Variants in THAP12 observed in about 807,000 individuals in gnomAD.
The protein encoded by THAP12 is THAP domain containing 12, also known as 52 kDa repressor of the inhibitor of the protein kinase.
A neutral mutation model predicts 63.0 loss-of-function variants in THAP12; 20 were observed. The ratio of observed to expected loss-of-function variants is 0.32; its 90% CI spans 0.22 to 0.46. The LOEUF (loss-of-function observed/expected upper bound fraction) is 0.46. Ranked by LOEUF, THAP12 falls within the 20% of genes least tolerant of loss-of-function variation. The pLI is 1.00. For missense variants in THAP12, 568 were observed against 908.2 expected (o/e 0.63, Z 4.81); for synonymous variants, 264 against 328.4 (o/e 0.80, Z 2.12).
rs1423546992 is a variant in THAP12, at chr11:76,352,697, G to T, written c.453C>A (p.Asp151Glu). Reference protein sequence around the residue: ...SEEEGEGQDEDILPLTLEEKE... With the variant: ...SEEEGEGQDEEILPLTLEEKE... ...TCTCTTCAAGGGTTAGAGGTAAAAT[G>T]TCCTCATCTTGCCCTTCACCCTCTT... Residue 151 changes from aspartate to glutamate, a missense_variant, in exon 5 of 5, where the codon GAC becomes GAA. Coordinates refer to ENST00000260045, the MANE Select transcript of THAP12 (RefSeq NM_004705.4). 6.2e-7 allele frequency: 1 copy of T among 1,613,374 alleles called. No homozygotes were observed. Among genetic ancestry groups the T allele is most frequent in the Non-Finnish European group, 8.5e-7 (1 of 1,179,884 alleles).
At chr11:76,372,488 T>G (rs1421297929) in intron 1 of THAP12, among the ~76,000 whole-genome samples, 1 of 150,502 alleles carries the variant, frequency 6.6e-6, no homozygotes, top group Non-Finnish European at 1.5e-5. Context: ...TAGCTCATTC[T>G]AAGTTCAAAC....
intron 1 of THAP12, among the ~76,000 whole-genome samples, chr11:76,370,020 C>T (rs1946659650): frequency 6.6e-6 from 1 of 152,218 alleles, no homozygotes; most frequent in Non-Finnish European, 1.5e-5. Context: ...CGCCTCAACA[C>T]AGTGATGGAA....
rs371539373 is a variant in THAP12 at position 76,352,494 on chromosome 11, C to T, written c.656G>A (p.Arg219Gln). 1.2e-6 allele frequency: 2 copies of T among 1,611,874 alleles called. No individual in the cohort carries two copies. The highest frequency in any genetic ancestry group is 1.7e-5 in the Admixed American group (1 of 59,988). Residue 219 changes from arginine to glutamine, a missense_variant, in exon 5 of 5, where the codon CGG becomes CAG. Transcript: ENST00000260045. ...INSGEEVLRK[R>Q]FETTAVNTLF... is the part of the protein sequence containing the mutation. ...CGTGTTAACTGCTGTTGTCTCAAAC[C>T]GCTTTCTCAGAACCTCTTCACCAGA...
intron 1 of THAP12, among the ~76,000 whole-genome samples, chr11:76,379,516 C>T (rs1946735152): frequency 6.6e-6 from 1 of 152,234 alleles, no homozygotes; most frequent in Non-Finnish European, 1.5e-5. Flanking sequence ...TCCCTGGACT[C>T]CTGGTTGCCC....
intron 1 of THAP12, among the ~76,000 whole-genome samples, chr11:76,376,615 GTTTTTTTTGT>G (rs900391883): frequency 2.3e-5 from 3 of 127,772 alleles, no homozygotes; most frequent in Non-Finnish European, 4.9e-5. Flanking sequence ...TTGTGTCTAT[GTTTTTTTTGT>G]TTTTTTTTTT....
In THAP12 at chr11:76,352,499, T is replaced by A; in HGVS notation, c.651A>T (p.Arg217Ser). 1 of 1,612,038 alleles carries A rather than the reference T, an allele frequency of 6.2e-7. No individual in the cohort carries two copies. Among genetic ancestry groups the A allele is most frequent in the South Asian group, 1.1e-5 (1 of 90,990 alleles). The change falls in exon 5 of 5, where the codon AGA becomes AGT. Residue 217 changes from arginine to serine, a missense_variant. Coordinates refer to ENST00000260045, the MANE Select transcript of THAP12 (RefSeq NM_004705.4). ...TAACTGCTGTTGTCTCAAACCGCTT[T>A]CTCAGAACCTCTTCACCAGAATTTA... ...CRINSGEEVLRKRFETTAVNT... is the reference protein window; with the variant it reads ...CRINSGEEVLSKRFETTAVNT...
Position 76,351,122 on chromosome 11 carries a change from A to G in THAP12, c.2028T>C (p.Asn676=). ...ACAGGACCTTCAGCAATGCATACAC[A>G]TTAGGAAAAAACTTGATGTCAGGCA... ...LHLPDIKFFP[N]VYALLKVLCI... Residue 676 remains asparagine (N), a synonymous_variant, in exon 5 of 5, where the codon AAT becomes AAC. Transcript: ENST00000260045. 6.2e-7 allele frequency: 1 copy of G among 1,609,874 alleles called. No individual in the cohort carries two copies. Among genetic ancestry groups the G allele is most frequent in the Non-Finnish European group, 8.5e-7 (1 of 1,179,014 alleles).
rs1035572605 is a variant in THAP12 at position 76,351,184 on chromosome 11, T to C, written c.1966A>G (p.Ile656Val). The change falls in exon 5 of 5, where the codon ATA becomes GTA. Residue 656 changes from isoleucine (I) to valine (V), a missense_variant. Ile to Val is a conservative substitution (Grantham distance 29). Coordinates refer to ENST00000260045, the MANE Select transcript of THAP12 (RefSeq NM_004705.4). ...TCATAGATGGTGGACGGAAGCTCTATATCTTTCCCCCTGTGTTTCCATTTG... is the reference window on the plus strand; with the variant it reads ...TCATAGATGGTGGACGGAAGCTCTACATCTTTCCCCCTGTGTTTCCATTTG... ...RIKWKHRGKD[I>V]ELPSTIYEAL... 3.2e-6 allele frequency: 5 copies of C among 1,574,426 alleles called. No homozygotes were observed. In the African/African-American group the frequency reaches 6.8e-5, roughly 21 times the overall value.
chr11:76,357,482 A>C (rs1171019314), intron 3 of THAP12: 1 of 152,210 alleles, frequency 6.6e-6, no homozygotes, highest in Non-Finnish European at 1.5e-5. Context: ...CATAAAAAAA[A>C]AACTCACATC....
At chr11:76,356,726 A>G (rs1946563751) in intron 3 of THAP12, 1 of 152,242 alleles carries the variant, frequency 6.6e-6, no homozygotes, top group Admixed American at 6.5e-5. Context: ...TAAGTATCAT[A>G]AATAATCTAG....
chr11:76,374,947 C>T (rs1313467783), intron 1 of THAP12, among the ~76,000 whole-genome samples: 1 of 152,192 alleles, frequency 6.6e-6, no homozygotes, highest in Non-Finnish European at 1.5e-5. Context: ...ATCTAAGAAG[C>T]CAAGAGTGAG....
At position 76,352,270 on chromosome 11, in the gene THAP12, T is replaced by C. The variant is rs775729398; in HGVS notation, c.880A>G (p.Ile294Val). The change falls in exon 5 of 5, where the codon ATA becomes GTA. Residue 294 changes from isoleucine (I) to valine (V), a missense_variant. Transcript: ENST00000260045. The stretch of plus-strand genomic sequence containing the variant: ...TCGGCTTCATAAGGCAGGAAGCCTA[T>C]AAATTCCTCTCTTAGGTTATGAGAT... Reference protein sequence around the residue: ...DESHNLREEFIGFLPYEADAE... With the variant: ...DESHNLREEFVGFLPYEADAE... 1 of 1,611,906 alleles carries C rather than the reference T, an allele frequency of 6.2e-7. No homozygotes were observed. Among genetic ancestry groups the C allele is most frequent in the Non-Finnish European group, 8.5e-7 (1 of 1,179,826 alleles).
rs758282050 is a variant in THAP12, at chr11:76,380,783, G to A, written c.54C>T (p.Asp18=). The change falls in exon 1 of 5, where the codon GAC becomes GAT. Residue 18 remains aspartate (D), a synonymous_variant. Transcript: ENST00000260045. ...CCCGCGGGAACCTGAAGAAGGCCAA[G>A]TCGGACTGCGTGCTCTTCCGCGTGC... ...PNCTRKSTQS[D]LAFFRFPRDP... 5.0e-5 allele frequency: 74 copies of A among 1,467,734 alleles called. No individual in the cohort carries two copies. The highest frequency in any genetic ancestry group is 2.5e-4 in the Middle Eastern group (1 of 4,064). The allele number at this position is 1,467,734 out of a possible 1,614,324, so 90.9% of individuals were successfully genotyped here.
At position 76,361,032 on chromosome 11, in the gene THAP12, G is replaced by C; in HGVS notation, c.242C>G (p.Ala81Gly). ...GGTAAGATCAAATATTGTTGGTATT[G>C]CATTATCTCGAAGAACTGTCCTATA... Reference protein sequence around the residue: ...SPYRTVLRDNAIPTIFDLTSH... With the variant: ...SPYRTVLRDNGIPTIFDLTSH... Residue 81 changes from alanine (A) to glycine (G), a missense_variant, in exon 3 of 5, where the codon GCA becomes GGA. Coordinates refer to ENST00000260045, the MANE Select transcript of THAP12 (RefSeq NM_004705.4). The C allele has an allele frequency of 6.2e-7, 1 of 1,604,786 alleles. No homozygotes were observed. Among genetic ancestry groups the C allele is most frequent in the East Asian group, 2.2e-5 (1 of 44,660 alleles).
chr11:76,359,832 A>G lies in THAP12; in HGVS notation c.318+1124T>C, dbSNP rs757657875. Among the ~76,000 whole-genome samples the G allele has an allele frequency of 2.8e-3, 353 of 125,434 alleles. 1 individual carries two copies. Among genetic ancestry groups the G allele is most frequent in the Admixed American group, 4.2e-3 (54 of 12,846 alleles). The allele number at this position is 125,434 out of a possible 152,430, so 82.3% of individuals were successfully genotyped here. On this transcript the variant is annotated intron_variant, in intron 3 of 4. Coordinates refer to ENST00000260045, the MANE Select transcript of THAP12 (RefSeq NM_004705.4). ...AGAGTGAGACTCTGTCTCGGGGGGG[A>G]AAAAAAAAATCCATAGGGAAGAATA...
chr11:76,358,613 T>A (rs1314558571), intron 3 of THAP12: 1 of 152,038 alleles, frequency 6.6e-6, no homozygotes, highest in African/African-American at 2.4e-5. Flanking sequence ...GAGACCAAAC[T>A]GGGCAACATG....
chr11:76,355,410 A>G (rs1442117512), intron 4 of THAP12, among the ~76,000 whole-genome samples: 2 of 152,228 alleles, frequency 1.3e-5, no homozygotes, highest in Non-Finnish European at 2.9e-5. Flanking sequence ...CATATAGCAT[A>G]GTGTGTGGCA....
At position 76,380,764 on chromosome 11, in the gene THAP12, G is replaced by A; in HGVS notation, c.73C>T (p.Pro25Ser). ...GCCGCTTACCTGGCAGGGTCCCGCG[G>A]GAACCTGAAGAAGGCCAAGTCGGAC... The part of the protein sequence containing the change: ...TQSDLAFFRF[P>S]RDPARCQKWV... The change falls in exon 1 of 5, where the codon CCG (proline) becomes TCG (serine). Residue 25 changes from proline (P) to serine (S), a missense_variant. Pro to Ser is a moderately conservative substitution (Grantham distance 74). Transcript: ENST00000260045. The A allele has an allele frequency of 6.8e-7, 1 of 1,460,396 alleles. No individual in the cohort carries two copies. Among genetic ancestry groups the A allele is most frequent in the Non-Finnish European group, 9.1e-7 (1 of 1,099,996 alleles). The allele number at this position is 1,460,396 out of a possible 1,614,324, so 90.5% of individuals were successfully genotyped here. A position where few individuals can be genotyped will look rare whatever the true frequency, so the allele number is the denominator to read the frequency against.
rs756284316 is a variant in THAP12 at position 76,351,800 on chromosome 11, A to C, written c.1350T>G (p.Gly450=). Residue 450 remains glycine (G), a synonymous_variant, in exon 5 of 5, where the codon GGT becomes GGG. Coordinates refer to ENST00000260045, the MANE Select transcript of THAP12 (RefSeq NM_004705.4). ...ATCTAATATTTGTGTCACTATTTAT[A>C]CCATCTAAACATAAAACAAGTGCTT... ...LLQALVLCLD[G]INSDTNIRWN... 1 of 1,610,584 alleles carries C rather than the reference A, an allele frequency of 6.2e-7. No homozygotes were observed. Among genetic ancestry groups the C allele is most frequent in the Non-Finnish European group, 8.5e-7 (1 of 1,178,394 alleles).
Sources: allele counts gnomAD v4.1 joint callset (sites outside exome capture counted in the v4.1 genomes callset), GRCh38; gene constraint gnomAD v4.1.1; transcripts MANE v1.5; gene names NCBI Gene and HGNC (gene_info 2026-07-23, HGNC 2026-07-21).